Variants in SLC9A3 observed in about 807,000 individuals in gnomAD.
SLC9A3 encodes sodium/hydrogen exchanger 3.
Under a neutral mutation model 86.8 loss-of-function variants are expected in SLC9A3, and 37 were observed. That is an observed-to-expected ratio of 0.43 (90% CI 0.33 to 0.56). The LOEUF is 0.56. Among genes scored for constraint, SLC9A3 ranks in the 20% least tolerant of loss-of-function variants. SLC9A3 has a pLI of 0.06. For missense variants in SLC9A3, 1,011 were observed against 1,171.9 expected, an observed-to-expected ratio of 0.86 and a Z score of 2.00; for synonymous variants, 581 against 528.3, an observed-to-expected ratio of 1.10 and a Z score of -1.37.
At chr5:504,750 G>T (rs1172908596) in intron 1 of SLC9A3, among the ~76,000 whole-genome samples, 1 of 152,210 alleles carries the variant, frequency 6.6e-6, no homozygotes, top group Non-Finnish European at 1.5e-5. Context: ...AAGGGGAAGG[G>T]GTGTTCGTGC....
intron 11 of SLC9A3, 111 bp from the exon 12 acceptor site, chr5:476,783 C>A (rs922947039): frequency 1.9e-5 from 26 of 1,344,648 alleles, no homozygotes; most frequent in Non-Finnish European, 2.7e-5. Context: ...CTGCGTGCCC[C>A]TCGCCTTCCC....
Position 476,046 on chromosome 5 carries a change from G to A in SLC9A3, c.2114C>T (p.Ala705Val), listed in dbSNP as rs541347122. Residue 705 changes from alanine to valine, a missense_variant, in exon 14 of 17, where the codon GCG (alanine) becomes GTG (valine). Ala to Val is a moderately conservative substitution (Grantham distance 64). Transcript: ENST00000264938. The part of the protein sequence containing the change: ...PNGKLPMESP[A>V]QNFTIKEKDL... ...TTTCTCCTTGATGGTGAAATTCTGC[G>A]CAGGGCTCTCCATGGGCAGCTTCCC... The A allele has an allele frequency of 4.3e-5, 69 of 1,613,042 alleles. No individual in the cohort carries two copies. Among genetic ancestry groups the A allele is most frequent in the South Asian group, 3.5e-4 (32 of 90,980 alleles).
At chr5:499,268 A>G (rs1253760696) in intron 1 of SLC9A3, among the ~76,000 whole-genome samples, 3 of 152,262 alleles carry the variant, frequency 2.0e-5, no homozygotes, top group Non-Finnish European at 2.9e-5. Flanking sequence ...AATTAAGCAC[A>G]CAATGGACGT....
rs1038563084 is a variant in SLC9A3 at position 491,595 on chromosome 5, G to T, written c.514+174C>A. On this transcript the variant is annotated intron_variant, in intron 2 of 16. Coordinates refer to ENST00000264938, the MANE Select transcript of SLC9A3 (RefSeq NM_004174.4). The surrounding 1 kb of genome is among the most constrained non-coding windows in gnomAD (Gnocchi z 9.2). ...AACACGTGCTGGGACCTGGGGACGC[G>T]CAGGGGACTGGCCTTGGTCACGAGG... Among the ~76,000 whole-genome samples, 9 of 152,118 alleles carry T rather than the reference G, an allele frequency of 5.9e-5. No individual in the cohort carries two copies. Among genetic ancestry groups the T allele is most frequent in the Non-Finnish European group, 1.2e-4 (8 of 68,014 alleles).
In SLC9A3 at chr5:479,658, A is replaced by G. The variant is rs966023828; in HGVS notation, c.1647+178T>C. The G allele has an allele frequency of 2.0e-5, 12 of 614,554 alleles. 1 individual carries two copies. The South Asian group carries it at 2.3e-4, about 12-fold the overall frequency. The allele number at this position is 614,554 out of a possible 1,614,324, so 38.1% of individuals were successfully genotyped here. ...AGGACTCTGTGACTCAGTTTACCCC[A>G]CGAGAGCCCCTGGGATTCCCAGGGC... On this transcript the variant is annotated intron_variant, in intron 10 of 16. Transcript: ENST00000264938.
Position 476,105 on chromosome 5 carries a change from CGT to C in SLC9A3, c.2068-15_2068-14del. On this transcript the variant is annotated splice_polypyrimidine_tract_variant and intron_variant, in intron 13 of 16. Coordinates refer to ENST00000264938, the MANE Select transcript of SLC9A3 (RefSeq NM_004174.4). ...TGCTGCTGTTTCTCTGCGGAGCAAA[CGT>C]GAAGCTGCTCACACCCCGACACAGC... 1 of 1,613,132 alleles carries C rather than the reference CGT, an allele frequency of 6.2e-7. No individual in the cohort carries two copies. The highest frequency in any genetic ancestry group is 8.5e-7 in the Non-Finnish European group (1 of 1,179,680).
Position 491,929 on chromosome 5 carries a change from G to A in SLC9A3, c.354C>T (p.Tyr118=), listed in dbSNP as rs1436822756. The A allele has an allele frequency of 2.5e-6, 4 of 1,611,642 alleles. No individual in the cohort carries two copies. In the Admixed American group the frequency reaches 6.7e-5, roughly 27 times the overall value. Residue 118 remains tyrosine, a synonymous_variant, in exon 2 of 17, where the codon TAC becomes TAT. Transcript: ENST00000264938. This position sits in a 1 kb window ranked among gnomAD's most constrained non-coding sequence, Gnocchi z 9.2. ...FTLTPTVFFF[Y]LLPPIVLDAG... is the part of the protein sequence containing the mutation. Reference sequence around the variant, plus strand: ...CGTCCAGCACGATGGGGGGCAGCAGGTAGAAGAAGAAGACGGTGGGCGTCA... The same window carrying A: ...CGTCCAGCACGATGGGGGGCAGCAGATAGAAGAAGAAGACGGTGGGCGTCA...
At chr5:508,405 C>T (rs1314147657) in intron 1 of SLC9A3, among the ~76,000 whole-genome samples, 2 of 120,452 alleles carry the variant, frequency 1.7e-5, no homozygotes, top group African/African-American at 6.7e-5. Flanking sequence ...GGCCTCAGCG[C>T]GCCCGGGGAT....
intron 1 of SLC9A3, among the ~76,000 whole-genome samples, chr5:512,704 C>T (rs1028457870): frequency 5.9e-5 from 9 of 152,058 alleles, no homozygotes; most frequent in South Asian, 4.1e-4. Flanking sequence ...AGGGTGTCCC[C>T]GAAGCTGTTG....
intron 1 of SLC9A3, among the ~76,000 whole-genome samples, chr5:520,147 A>G (rs1262049962): frequency 6.7e-6 from 1 of 148,692 alleles, no homozygotes; most frequent in East Asian, 2.1e-4. Context: ...TCCCTGAGCC[A>G]GCGCTGCCCA....
In SLC9A3 at chr5:522,650, C is replaced by T. The variant is rs563414151; in HGVS notation, c.211+1462G>A. Among the ~76,000 whole-genome samples the T allele has an allele frequency of 1.5e-4, 22 of 149,268 alleles. No individual in the cohort carries two copies. The South Asian group carries it at 4.4e-3, about 30-fold the overall frequency. On this transcript the variant is annotated intron_variant, in intron 1 of 16. Coordinates refer to ENST00000264938, the MANE Select transcript of SLC9A3 (RefSeq NM_004174.4). Reference sequence around the variant, plus strand: ...GCTCATGCCTGTAATCCCAGCTACTCGGGAGGCTGAGGCAGGATGTGGAGG... The same window carrying T: ...GCTCATGCCTGTAATCCCAGCTACTTGGGAGGCTGAGGCAGGATGTGGAGG...
Position 491,738 on chromosome 5 carries a change from C to CCCGG in SLC9A3, c.514+27_514+30dup. ...CGCCCCTCCCGGACCCCACCCTGAT[C>CCCGG]CCGGCCGGGGCAACAGTGGCGCAGA... On this transcript the variant is annotated intron_variant, in intron 2 of 16. Coordinates refer to ENST00000264938, the MANE Select transcript of SLC9A3 (RefSeq NM_004174.4). This position sits in a 1 kb window ranked among gnomAD's most constrained non-coding sequence, Gnocchi z 9.2. 5 of 1,483,642 alleles carry CCCGG rather than the reference C, an allele frequency of 3.4e-6. No individual in the cohort carries two copies. The highest frequency in any genetic ancestry group is 4.5e-6 in the Non-Finnish European group (5 of 1,106,126). The allele number at this position is 1,483,642 out of a possible 1,614,324, so 91.9% of individuals were successfully genotyped here. A position where few individuals can be genotyped will look rare whatever the true frequency, so the allele number is the denominator to read the frequency against.
At chr5:522,071 C>T (rs547162541) in intron 1 of SLC9A3, among the ~76,000 whole-genome samples, 88 of 151,470 alleles carry the variant, frequency 5.8e-4, no homozygotes, top group African/African-American at 2.1e-3. Context: ...GGGTCTGCGC[C>T]TGTGGGATAC....
chr5:479,812 C>T (rs773895121), intron 10 of SLC9A3, 24 bp downstream of exon 10: 89 of 1,611,344 alleles, frequency 5.5e-5, no homozygotes, highest in Non-Finnish European at 6.6e-5. Flanking sequence ...AGCCCCGACC[C>T]GGCAGAGCAA....
chr5:492,660 G>A (rs570649099), intron 1 of SLC9A3, among the ~76,000 whole-genome samples: 5 of 114,624 alleles, frequency 4.4e-5, no homozygotes, highest in South Asian at 2.5e-4. Context: ...GACGGTGGTC[G>A]GGGGGGGGCC....
chr5:500,556 T>TG (rs1740218480), intron 1 of SLC9A3, among the ~76,000 whole-genome samples: 1 of 133,148 alleles, frequency 7.5e-6, no homozygotes, highest in Non-Finnish European at 1.6e-5. Flanking sequence ...CTGGTGTGGA[T>TG]GGGTCAGTGT....
intron 16 of SLC9A3, among the ~76,000 whole-genome samples, 169 bp from the exon 17 acceptor site, chr5:473,551 G>A (rs974549454): frequency 6.6e-6 from 1 of 152,118 alleles, no homozygotes; most frequent in Non-Finnish European, 1.5e-5. Context: ...CGGGTTCGCG[G>A]GGCAGAGGCG....
chr5:507,369 G>GGT (rs397963147), intron 1 of SLC9A3, among the ~76,000 whole-genome samples: 292 of 5,756 alleles, frequency 0.051, 2 homozygotes, highest in African/African-American at 0.13. Context: ...GGGTTTCACC[G>GGT]TTTTTTTTTT....
intron 11 of SLC9A3, chr5:476,983 A>G (rs1738784716): frequency 3.8e-6 from 2 of 521,912 alleles, no homozygotes; most frequent in South Asian, 2.3e-5. Context: ...CATCTGGCAG[A>G]GTGGACCTCC....
Sources: gnomAD v4.1 joint callset for allele counts (sites outside exome capture counted in the v4.1 genomes callset) on GRCh38, gnomAD v4.1.1 for gene constraint, Gnocchi (gnomAD v3.1) non-coding constraint, MANE v1.5 for transcripts, NCBI Gene and HGNC (gene_info 2026-07-23, HGNC 2026-07-21) for gene names.